NPEPL1: variants seen among roughly 807,000 people sequenced by gnomAD.
NPEPL1 encodes the protein aminopeptidase like 1, also known as probable aminopeptidase NPEPL1.
NPEPL1 carries 45 observed loss-of-function variants against 52.4 expected under a neutral mutation model. The ratio of observed to expected loss-of-function variants is 0.86; its 90% confidence interval spans 0.68 to 1.10. The LOEUF (loss-of-function observed/expected upper bound fraction) is 1.10. Ranked by LOEUF, NPEPL1 falls within the 50% of genes least tolerant of loss-of-function variation. The pLI is 0.00. For synonymous variants in NPEPL1, 360 were observed against 314.7 expected, an observed-to-expected ratio of 1.14 and a Z score of -1.52; for missense variants, 696 against 710.9, an observed-to-expected ratio of 0.98 and a Z score of 0.24.
chr20:58,703,450 A>G, intron 6 of NPEPL1: 4 of 984,546 alleles, frequency 4.1e-6, no homozygotes, highest in Non-Finnish European at 4.8e-6. Context: ...TGCACCTGGT[A>G]CTGGCTGCTC....
chr20:58,713,289 A>G lies in NPEPL1; in HGVS notation c.1002-131A>G. ...TGGGGGCATCCCGGCCTTCCCATTC[A>G]GGGAACGTGTTGGGGTTCGGGGAGC... On this transcript the variant is annotated intron_variant, in intron 8 of 11. Transcript: ENST00000356091. The surrounding 1 kb of genome is among the most constrained non-coding windows in gnomAD (Gnocchi z 4.6). 8.2e-7 allele frequency: 1 copy of G among 1,223,774 alleles called. No individual in the cohort carries two copies. Among genetic ancestry groups the G allele is most frequent in the Non-Finnish European group, 1.1e-6 (1 of 893,666 alleles). 75.8% of individuals were successfully genotyped at this position (1,223,774 alleles called of 1,614,324 possible).
At chr20:58,696,028 G>A (rs1320990704) in intron 3 of NPEPL1, among the ~76,000 whole-genome samples, 1 of 152,188 alleles carries the variant, frequency 6.6e-6, no homozygotes, top group Non-Finnish European at 1.5e-5. Context: ...TCAGACACCA[G>A]CATCTGCCTC....
chr20:58,714,543 C>A lies in NPEPL1; in HGVS notation c.1303-17C>A. ...CCGGAGCAACCCACAGGCACTGTGT[C>A]CTCCTGGCCTCCCTAGGACCGAGAC... is the stretch of plus-strand genomic sequence containing the variant. On this transcript the variant is annotated splice_polypyrimidine_tract_variant and intron_variant, in intron 10 of 11. Transcript: ENST00000356091. 1 of 1,547,588 alleles carries A rather than the reference C, an allele frequency of 6.5e-7. No homozygotes were observed. Among genetic ancestry groups the A allele is most frequent in the Non-Finnish European group, 8.7e-7 (1 of 1,148,172 alleles).
At chr20:58,698,841 C>A in intron 4 of NPEPL1, 68 bp downstream of exon 4, 4 of 1,353,122 alleles carry the variant, frequency 3.0e-6, no homozygotes, top group Non-Finnish European at 4.2e-6. Flanking sequence ...CCAGGAGAGC[C>A]AGAGGAAACC....
intron 6 of NPEPL1, among the ~76,000 whole-genome samples, chr20:58,704,914 T>A (rs953154886): frequency 1.3e-5 from 2 of 152,224 alleles, no homozygotes; most frequent in Non-Finnish European, 2.9e-5. Context: ...TCTCTCTCAC[T>A]TTGAACATGT....
chr20:58,709,814 CTA>C (rs1172676925), intron 7 of NPEPL1, among the ~76,000 whole-genome samples: 1 of 152,206 alleles, frequency 6.6e-6, no homozygotes, highest in Non-Finnish European at 1.5e-5. Context: ...CAAAGCCAGA[CTA>C]TGCAGTCGCC....
At chr20:58,703,035 G>A (rs908233262) in intron 6 of NPEPL1, among the ~76,000 whole-genome samples, 3 of 152,214 alleles carry the variant, frequency 2.0e-5, no homozygotes, top group Non-Finnish European at 2.9e-5. Flanking sequence ...CCGCACTCTC[G>A]TGTTTTATTT....
intron 1 of NPEPL1, 194 bp from the exon 2 acceptor site, chr20:58,693,543 C>G: frequency 3.9e-6 from 2 of 517,024 alleles, no homozygotes; most frequent in Admixed American, 3.7e-5. Context: ...CAGGGGGATG[C>G]GAGCCAGCCT....
At chr20:58,711,790 G>A (rs770900019) in intron 7 of NPEPL1, among the ~76,000 whole-genome samples, 10 of 152,228 alleles carry the variant, frequency 6.6e-5, no homozygotes, top group Non-Finnish European at 2.9e-5. Context: ...TGAGAAAGAC[G>A]CTGGATCCTA....
chr20:58,691,364 CTTTTTTTTTTTTTTTTTTTTTTTTTT>C, upstream of NPEPL1: 5 of 172,222 alleles, frequency 2.9e-5, no homozygotes, highest in Non-Finnish European at 5.0e-5. Flanking sequence ...CATTCAACAG[CTTTTTTTTTTTTTTTTTTTTTTTTTT>C]TTTTTTTTTT....
At chr20:58,690,577 C>G (rs1283595306), upstream of NPEPL1, among the ~76,000 whole-genome samples, 1 of 152,170 alleles carries the variant, frequency 6.6e-6, no homozygotes, top group Non-Finnish European at 1.5e-5. Context: ...AATTCCTTAG[C>G]GTTCTGTTTA....
At chr20:58,714,796 C>T (rs565111373) in intron 11 of NPEPL1, 126 bp downstream of exon 11, 48 of 756,968 alleles carry the variant, frequency 6.3e-5, no homozygotes, top group Admixed American at 4.2e-4. Flanking sequence ...GCTTCCAGCC[C>T]GCTGTCCCCA....
At chr20:58,693,558 A>G (rs1468657514) in intron 1 of NPEPL1, 179 bp from the exon 2 acceptor site, 1 of 550,074 alleles carries the variant, frequency 1.8e-6, no homozygotes, top group African/African-American at 1.9e-5. Flanking sequence ...CAGCCTAGAG[A>G]CAGTTAGCTC....
chr20:58,699,283 G>T lies in NPEPL1; in HGVS notation c.679+5G>T. ...TGAAGACGAGAGGATTTGGAGGTGGGTGGGGGCTGCATCCCTGCAGCTCTT... is the reference window on the plus strand; with the variant it reads ...TGAAGACGAGAGGATTTGGAGGTGGTTGGGGGCTGCATCCCTGCAGCTCTT... On this transcript the variant is annotated splice_donor_5th_base_variant and intron_variant, in intron 5 of 11. Transcript: ENST00000356091. 6.2e-7 allele frequency: 1 copy of T among 1,601,926 alleles called. No individual in the cohort carries two copies. The highest frequency in any genetic ancestry group is 8.5e-7 in the Non-Finnish European group (1 of 1,173,874).
At chr20:58,697,236 G>A (rs1470534769) in intron 3 of NPEPL1, among the ~76,000 whole-genome samples, 3 of 152,242 alleles carry the variant, frequency 2.0e-5, no homozygotes, top group Non-Finnish European at 4.4e-5. Flanking sequence ...GTGTGTTGGT[G>A]GAGGGCACCC....
intron 2 of NPEPL1, among the ~76,000 whole-genome samples, 176 bp from the exon 3 acceptor site, chr20:58,694,246 G>T (rs958806072): frequency 6.6e-6 from 1 of 152,218 alleles, no homozygotes; most frequent in Non-Finnish European, 1.5e-5. Context: ...ATGACCAATG[G>T]TGGTCCCATG....
At chr20:58,709,947 C>T (rs1031464425) in intron 7 of NPEPL1, among the ~76,000 whole-genome samples, 1 of 152,066 alleles carries the variant, frequency 6.6e-6, no homozygotes, top group Non-Finnish European at 1.5e-5. Context: ...GTGATTACTA[C>T]CCCCTGCTGC....
At chr20:58,690,611 G>A (rs1414141909), upstream of NPEPL1, among the ~76,000 whole-genome samples, 1 of 152,190 alleles carries the variant, frequency 6.6e-6, no homozygotes, top group Non-Finnish European at 1.5e-5. Flanking sequence ...CAATTCGGGG[G>A]TGGCTTAAAA....
chr20:58,709,540 G>T (rs1343227326), intron 7 of NPEPL1, among the ~76,000 whole-genome samples: 1 of 152,194 alleles, frequency 6.6e-6, no homozygotes, highest in Non-Finnish European at 1.5e-5. Flanking sequence ...TGGAGCATGA[G>T]AGTGGGATGG....
Sources: gnomAD v4.1 joint callset for allele counts (sites outside exome capture counted in the v4.1 genomes callset) on GRCh38, gnomAD v4.1.1 for gene constraint, Gnocchi (gnomAD v3.1) non-coding constraint, MANE v1.5 for transcripts, NCBI Gene and HGNC (gene_info 2026-07-23, HGNC 2026-07-21) for gene names.